LINGO1: variants seen among roughly 807,000 people sequenced by gnomAD.
LINGO1 encodes leucine rich repeat and Ig domain containing 1.
Under a neutral mutation model 37.3 loss-of-function variants are expected in LINGO1, and 11 were observed. That is an observed-to-expected ratio of 0.29 (90% CI 0.19 to 0.49). LINGO1 has a LOEUF of 0.49. Ranked by LOEUF, LINGO1 falls within the 20% of genes least tolerant of loss-of-function variation. The probability of loss-of-function intolerance (pLI) is 0.99; values close to 1 mark genes in which losing one functional copy is unlikely to be tolerated. For missense variants in LINGO1, 585 were observed against 878.2 expected, an observed-to-expected ratio of 0.67 and a Z score of 4.22; for synonymous variants, 387 against 403.0, an observed-to-expected ratio of 0.96 and a Z score of 0.48.
Position 77,745,309 on chromosome 15 carries a change from C to T in LINGO1, c.-256-10256G>A, listed in dbSNP as rs574163710. On this transcript the variant is annotated intron_variant, in intron 1 of 3. Transcript: ENST00000561686. ...GGCGTGGTGGTGGGCGCTTGTAGTCCCAGCTACTTGGAAGGCTGAGGCAGG... is the reference window on the plus strand; with the variant it reads ...GGCGTGGTGGTGGGCGCTTGTAGTCTCAGCTACTTGGAAGGCTGAGGCAGG... 2.0e-5 allele frequency among the ~76,000 whole-genome samples: 3 copies of T among 151,638 alleles called. No homozygotes were observed. The South Asian group carries it at 6.3e-4, about 32-fold the overall frequency.
chr15:77,665,239 C>T (rs1186988465), intron 3 of LINGO1, among the ~76,000 whole-genome samples: 2 of 152,248 alleles, frequency 1.3e-5, no homozygotes, highest in African/African-American at 4.8e-5. Flanking sequence ...CCTTGCCCAA[C>T]CCTCAGCCTT....
At chr15:77,795,377 C>T (rs1320176398) in intron 2 of LINGO1, among the ~76,000 whole-genome samples, 1 of 152,202 alleles carries the variant, frequency 6.6e-6, no homozygotes, top group African/African-American at 2.4e-5. Context: ...AGTCCAAGAA[C>T]ACATCTCCTC....
upstream of LINGO1, among the ~76,000 whole-genome samples, chr15:77,790,548 C>T (rs1213037238): frequency 1.3e-5 from 2 of 152,102 alleles, no homozygotes; most frequent in East Asian, 1.9e-4. Flanking sequence ...TGCACTGCTC[C>T]ATGAGTTCTC....
Position 77,670,517 on chromosome 15 carries a change from G to A in LINGO1, c.-13+6572C>T, listed in dbSNP as rs142602800. ...GTGGGGCCCTACCCGAGGCACAGCC[G>A]TGGTCCCCAGAGCTGGCATCTCAGG... On this transcript the variant is annotated intron_variant, in intron 3 of 3. Coordinates refer to the LINGO1 transcript ENST00000559893. Among the ~76,000 whole-genome samples, 745 of 152,338 alleles carry A rather than the reference G, an allele frequency of 4.9e-3. 6 individuals are homozygous for A. The highest frequency in any genetic ancestry group is 0.017 in the African/African-American group (686 of 41,574).
chr15:77,769,858 C>T (rs1445396597), intron 1 of LINGO1, among the ~76,000 whole-genome samples: 1 of 152,210 alleles, frequency 6.6e-6, no homozygotes, highest in African/African-American at 2.4e-5. Context: ...ATGTCCTACA[C>T]GTGCAGCAGA....
At chr15:77,729,315 G>A (rs1163242137) in intron 2 of LINGO1, among the ~76,000 whole-genome samples, 2 of 152,232 alleles carry the variant, frequency 1.3e-5, no homozygotes, top group Non-Finnish European at 2.9e-5. Context: ...GCAGGGAGGC[G>A]CAGCTGATTA....
intron 1 of LINGO1, among the ~76,000 whole-genome samples, chr15:77,808,404 G>T (rs1053363969): frequency 2.6e-5 from 4 of 152,126 alleles, no homozygotes; most frequent in African/African-American, 9.7e-5. Flanking sequence ...AGGCAGGTTT[G>T]AGGATCTGGA....
At chr15:77,796,401 T>C (rs1169736671) in intron 1 of LINGO1, among the ~76,000 whole-genome samples, 1 of 152,238 alleles carries the variant, frequency 6.6e-6, no homozygotes, top group African/African-American at 2.4e-5. Context: ...GGAGTCTGAC[T>C]ATGCCTCTCC....
intron 2 of LINGO1, among the ~76,000 whole-genome samples, chr15:77,727,073 G>T (rs1313887114): frequency 6.6e-6 from 1 of 152,176 alleles, no homozygotes; most frequent in African/African-American, 2.4e-5. Flanking sequence ...GGTCACTACG[G>T]AAAGAAAAAT....
intron 3 of LINGO1, among the ~76,000 whole-genome samples, chr15:77,644,575 C>G (rs898538445): frequency 2.6e-5 from 4 of 152,176 alleles, no homozygotes; most frequent in African/African-American, 9.7e-5. Flanking sequence ...AAGACAGAGC[C>G]CAGGATGTGG....
At chr15:77,770,668 AAG>A (rs2076576538) in intron 1 of LINGO1, among the ~76,000 whole-genome samples, 1 of 151,976 alleles carries the variant, frequency 6.6e-6, no homozygotes, top group Admixed American at 6.5e-5. Context: ...TCACTCCACG[AAG>A]AGGGGGTTTA....
chr15:77,786,489 C>T lies in LINGO1; in HGVS notation c.-257+380G>A, dbSNP rs574977191. On this transcript the variant is annotated intron_variant, in intron 1 of 3. Transcript: ENST00000561686. ...ACCCCAGGCCTCTGGGGAGTGCCTGCGTGGCTATTTGACCTTTCAGAGGGG... is the reference window on the plus strand; with the variant it reads ...ACCCCAGGCCTCTGGGGAGTGCCTGTGTGGCTATTTGACCTTTCAGAGGGG... Among the ~76,000 whole-genome samples the T allele has an allele frequency of 3.3e-5, 5 of 152,182 alleles. No individual in the cohort carries two copies. In the East Asian group the frequency reaches 9.6e-4, roughly 29 times the overall value.
Position 77,614,454 on chromosome 15 carries a change from G to A in LINGO1, c.1453C>T (p.Arg485Cys), listed in dbSNP as rs776394148. The change falls in exon 2 of 2, where the codon CGC (arginine) becomes TGC (cysteine). Residue 485 changes from arginine (R) to cysteine (C), a missense_variant. Around this residue, in one of 4 missense-constraint regions of LINGO1, gnomAD observed 484 missense variants for 735.0 expected, o/e 0.66. Transcript: ENST00000355300. Reference protein sequence around the residue: ...TVFPDGTLEVRYAQVQDNGTY... With the variant: ...TVFPDGTLEVCYAQVQDNGTY... ...CCGTTGTCCTGTACCTGGGCGTAGC[G>A]CACCTCCAGCGTGCCATCAGGGAAG... 1.2e-6 allele frequency: 2 copies of A among 1,610,886 alleles called. No individual in the cohort carries two copies. The highest frequency in any genetic ancestry group is 1.1e-5 in the South Asian group (1 of 91,084).
At chr15:77,695,195 G>C (rs941823460) in intron 1 of LINGO1, among the ~76,000 whole-genome samples, 2 of 152,164 alleles carry the variant, frequency 1.3e-5, no homozygotes, top group Non-Finnish European at 2.9e-5. Context: ...AGGGCCGACT[G>C]ATTCCAAAGG....
rs538701799 is a variant in LINGO1, at chr15:77,794,358, A to G, written c.-343+1581T>C. 8.5e-4 allele frequency among the ~76,000 whole-genome samples: 87 copies of G among 101,924 alleles called. 5 individuals are homozygous for G. The highest frequency in any genetic ancestry group is 3.0e-3 in the African/African-American group (80 of 26,574). The allele number at this position is 101,924 out of a possible 152,430, so 66.9% of individuals were successfully genotyped here. On this transcript the variant is annotated intron_variant, in intron 2 of 5. Transcript: ENST00000562933. The stretch of plus-strand genomic sequence containing the variant: ...TATATACATACATATATACGTATAT[A>G]TGTGTATATACATACGTATATGTAT...
chr15:77,622,878 A>G (rs981620440), intron 1 of LINGO1, among the ~76,000 whole-genome samples: 1 of 152,208 alleles, frequency 6.6e-6, no homozygotes, highest in African/African-American at 2.4e-5. Flanking sequence ...CTAGCCTGAG[A>G]AGAAGCAACG....
At chr15:77,746,195 G>A (rs1234973704) in intron 1 of LINGO1, among the ~76,000 whole-genome samples, 94 of 141,120 alleles carry the variant, frequency 6.7e-4, no homozygotes, top group Non-Finnish European at 2.6e-4. Context: ...GAGAGAGAGC[G>A]AGACCCTGTC....
upstream of LINGO1, among the ~76,000 whole-genome samples, chr15:77,789,263 A>G (rs1482695219): frequency 6.6e-6 from 1 of 152,252 alleles, no homozygotes; most frequent in East Asian, 1.9e-4. Context: ...GGAAGAGGTC[A>G]TACTGGAGTA....
chr15:77,808,307 G>A (rs916407793), intron 1 of LINGO1, among the ~76,000 whole-genome samples: 3 of 152,162 alleles, frequency 2.0e-5, no homozygotes, highest in Non-Finnish European at 4.4e-5. Context: ...GAGAAGCCAC[G>A]GTCAGTTTCG....
Sources: allele counts gnomAD v4.1 joint callset (sites outside exome capture counted in the v4.1 genomes callset), GRCh38; gene constraint gnomAD v4.1.1; regional missense constraint gnomAD v4.1.1; transcripts MANE v1.5; gene names NCBI Gene and HGNC (gene_info 2026-07-23, HGNC 2026-07-21).